The following DPH6 variants were observed in gnomAD, a reference collection of about 807,000 sequenced individuals.
DPH6 encodes the protein diphthamine biosynthesis 6.
In DPH6, 33 loss-of-function variants were observed where a neutral mutation model predicts 38.2. The observed-to-expected ratio is 0.86, with a 90% confidence interval of 0.65 to 1.15. The LOEUF (loss-of-function observed/expected upper bound fraction) is 1.15, where lower values mean the gene tolerates loss of function less well. Ranked by LOEUF, DPH6 falls within the 50% of genes most tolerant of loss-of-function variation. DPH6 has a pLI of 0.00. For missense variants in DPH6, 325 were observed against 320.0 expected, an observed-to-expected ratio of 1.02 and a Z score of -0.12; for synonymous variants, 108 against 103.0, an observed-to-expected ratio of 1.05 and a Z score of -0.30.
intron 6 of DPH6, among the ~76,000 whole-genome samples, chr15:35,390,974 T>C (rs1052318264): frequency 1.3e-5 from 2 of 152,228 alleles, no homozygotes; most frequent in Non-Finnish European, 2.9e-5. Flanking sequence ...TTTGTGGTTT[T>C]GTCTACCTTT....
At chr15:35,154,435 C>T in the DPH6 span, among the ~76,000 whole-genome samples, 693 of 152,250 alleles carry the variant, frequency 4.6e-3, 6 homozygotes, top group African/African-American at 0.016. Context: ...TACTTCTCGT[C>T]GCTGTGAGGA....
rs562160214 is a variant in DPH6, at chr15:35,269,698, A to G, written n.201-49116T>C. Among the ~76,000 whole-genome samples the G allele has an allele frequency of 2.1e-4, 32 of 150,986 alleles. No individual in the cohort carries two copies. The East Asian group carries it at 5.5e-3, about 26-fold the overall frequency. ...CGTGATCCGCCCGCCTCGGCCTCCC[A>G]AAGTGCTGGGATTACAGGCGCAGCC... On this transcript the variant is annotated intron_variant and non_coding_transcript_variant, in intron 3 of 3. Transcript: ENST00000560386.
At chr15:35,365,172 T>A (rs1429597508) in intron 3 of DPH6, among the ~76,000 whole-genome samples, 1 of 152,054 alleles carries the variant, frequency 6.6e-6, no homozygotes, top group African/African-American at 2.4e-5. Flanking sequence ...TCTATCATTA[T>A]AAGTACTTCA....
intron 3 of DPH6, among the ~76,000 whole-genome samples, chr15:35,296,807 T>TC (rs2052018669): frequency 8.1e-6 from 1 of 124,036 alleles, no homozygotes; most frequent in Admixed American, 8.0e-5. Context: ...CTGGCTTCTT[T>TC]TTTTTTTTGA....
intron 3 of DPH6, among the ~76,000 whole-genome samples, chr15:35,285,872 G>GTTTTTTTAT (rs1555391171): frequency 1.9e-5 from 1 of 52,794 alleles, no homozygotes; most frequent in Non-Finnish European, 3.3e-5. Flanking sequence ...TTATCTTTGA[G>GTTTTTTTAT]TTTTTTTTTT....
intron 3 of DPH6, among the ~76,000 whole-genome samples, chr15:35,513,337 G>C (rs945846114): frequency 2.6e-5 from 4 of 151,898 alleles, no homozygotes; most frequent in Non-Finnish European, 5.9e-5. Context: ...GAACATGGGT[G>C]AGTACGCTGT....
chr15:35,490,936 A>AATACAT (rs2054467992), intron 3 of DPH6, among the ~76,000 whole-genome samples: 1 of 152,168 alleles, frequency 6.6e-6, no homozygotes, highest in Admixed American at 6.6e-5. Flanking sequence ...TCATGGCAGA[A>AATACAT]GACACCATGT....
chr15:35,401,517 C>A, intron 6 of DPH6: 2 of 770,898 alleles, frequency 2.6e-6, no homozygotes, highest in Admixed American at 1.7e-5. Context: ...GCTATGACAG[C>A]TATAACAATG....
At chr15:35,162,209 T>C in the DPH6 span, among the ~76,000 whole-genome samples, 1 of 151,870 alleles carries the variant, frequency 6.6e-6, no homozygotes. Context: ...CAAGCCTAGT[T>C]CCTTCATAAT....
At chr15:35,355,269 C>G (rs1439245612) in intron 3 of DPH6, among the ~76,000 whole-genome samples, 1 of 152,138 alleles carries the variant, frequency 6.6e-6, no homozygotes, top group Non-Finnish European at 1.5e-5. Flanking sequence ...CTAATTGGAG[C>G]ATTTAGCCCA....
intron 5 of DPH6, among the ~76,000 whole-genome samples, chr15:35,447,339 T>A (rs1246496944): frequency 6.6e-6 from 1 of 152,182 alleles, no homozygotes; most frequent in Non-Finnish European, 1.5e-5. Flanking sequence ...AATACCTTAT[T>A]ATTTTCTAGC....
downstream of DPH6, among the ~76,000 whole-genome samples, chr15:35,216,541 A>AT (rs150843793): frequency 0.03 from 4,507 of 152,338 alleles, 98 homozygotes; most frequent in Middle Eastern, 0.041. Flanking sequence ...AAAGAGATTA[A>AT]TGAGTTCTTA....
At chr15:35,172,280 T>C in the DPH6 span, among the ~76,000 whole-genome samples, 1 of 152,228 alleles carries the variant, frequency 6.6e-6, no homozygotes, top group Non-Finnish European at 1.5e-5. Flanking sequence ...TCTCTGGTTA[T>C]TTGACACCAC....
chr15:35,401,493 T>C lies in DPH6; in HGVS notation c.567+9342A>G, dbSNP rs1314636718. The C allele has an allele frequency of 7.8e-6, 6 of 770,100 alleles. No homozygotes were observed. In the East Asian group the frequency reaches 9.8e-5, roughly 13 times the overall value. The allele number at this position is 770,100 out of a possible 1,614,324, so 47.7% of individuals were successfully genotyped here. On this transcript the variant is annotated intron_variant, in intron 6 of 8. Transcript: ENST00000256538. ...GTTATGGAAACCAGGGCAGTGGCTA[T>C]GGCAGGAGTGACAGCTATGACAGCT...
At chr15:35,188,185 T>C in the DPH6 span, among the ~76,000 whole-genome samples, 1 of 152,090 alleles carries the variant, frequency 6.6e-6, no homozygotes, top group Non-Finnish European at 1.5e-5. Flanking sequence ...GAGAGAAATA[T>C]CTGAAACTAG....
chr15:35,366,636 T>G (rs1419828423), downstream of DPH6, among the ~76,000 whole-genome samples: 2 of 151,924 alleles, frequency 1.3e-5, no homozygotes. Flanking sequence ...ATATGCCATC[T>G]CTTACTATCC....
At chr15:35,287,451 G>A (rs1003459579) in intron 3 of DPH6, among the ~76,000 whole-genome samples, 8 of 152,048 alleles carry the variant, frequency 5.3e-5, no homozygotes, top group African/African-American at 9.7e-5. Flanking sequence ...TAAAAACTTC[G>A]CACAGTTCTT....
intron 3 of DPH6, among the ~76,000 whole-genome samples, chr15:35,459,641 T>A (rs1442800997): frequency 6.6e-6 from 1 of 151,708 alleles, no homozygotes; most frequent in Admixed American, 6.6e-5. Context: ...CCTCAAGAAA[T>A]AGGATATAGG....
chr15:35,231,993 G>A (rs1488423754), intron 3 of DPH6, among the ~76,000 whole-genome samples: 1 of 152,110 alleles, frequency 6.6e-6, no homozygotes, highest in African/African-American at 2.4e-5. Context: ...CAAAGATTGG[G>A]GATCACTTTT....
Sources: gnomAD v4.1 joint callset for allele counts (sites outside exome capture counted in the v4.1 genomes callset) on GRCh38, gnomAD v4.1.1 for gene constraint, MANE v1.5 for transcripts, NCBI Gene and HGNC (gene_info 2026-07-23, HGNC 2026-07-21) for gene names.